CRIM1: variants seen among roughly 807,000 people sequenced by gnomAD.
CRIM1 encodes the protein cysteine rich transmembrane BMP regulator 1, also known as cysteine-rich motor neuron 1 protein.
In CRIM1, 32 loss-of-function variants were observed where a neutral mutation model predicts 116.4. The observed-to-expected ratio is 0.27, with a 90% CI of 0.21 to 0.37. CRIM1 has a LOEUF of 0.37. CRIM1 is among the 10% of genes least tolerant of loss of function. The probability of loss-of-function intolerance (pLI) is 1.00; values close to 1 mark genes in which losing one functional copy is unlikely to be tolerated. For missense variants in CRIM1, 1,331 were observed against 1,354.8 expected (o/e 0.98, Z 0.28); for synonymous variants, 590 against 509.2 (o/e 1.16, Z -2.13).
chr2:36,479,830 A>G (rs1276512634), intron 7 of CRIM1, 136 bp downstream of exon 7: 33 of 780,616 alleles, frequency 4.2e-5, no homozygotes, highest in Non-Finnish European at 7.0e-5. Flanking sequence ...CAACAAATTT[A>G]TCAAACAGCT....
rs982351703 is a variant in CRIM1 at position 36,538,503 on chromosome 2, G to A, written c.2623+957G>A. 2.0e-5 allele frequency among the ~76,000 whole-genome samples: 3 copies of A among 152,296 alleles called. No individual in the cohort carries two copies. In the South Asian group the frequency reaches 6.2e-4, roughly 32 times the overall value. On this transcript the variant is annotated intron_variant, in intron 14 of 16. Coordinates refer to ENST00000280527, the MANE Select transcript of CRIM1 (RefSeq NM_016441.3). ...AGAACCTTGTTGTATTCAATACAGG[G>A]AGCTGGGAACCATGCCAATTCACAA...
In CRIM1 at chr2:36,521,398, A is replaced by T. The variant is rs551625123; in HGVS notation, c.2207-694A>T. On this transcript the variant is annotated intron_variant, in intron 12 of 16. Transcript: ENST00000280527. ...TTTTTGGTAGTCTGGTACAATGAGA[A>T]TTTGTCTGAATATTGATTGGTCAAA... is the stretch of plus-strand genomic sequence containing the variant. Among the ~76,000 whole-genome samples, 6 of 152,296 alleles carry T rather than the reference A, an allele frequency of 3.9e-5. No individual in the cohort carries two copies. The South Asian group carries it at 1.2e-3, about 32-fold the overall frequency.
At chr2:36,421,660 CTT>C (rs1407426341) in intron 2 of CRIM1, among the ~76,000 whole-genome samples, 18 of 152,182 alleles carry the variant, frequency 1.2e-4, no homozygotes, top group Admixed American at 6.5e-4. Flanking sequence ...GGTGGGGACT[CTT>C]TGAAACAAAT....
rs77534311 is a variant in CRIM1, at chr2:36,500,911, C to A, written c.1501+1564C>A. Reference sequence around the variant, plus strand: ...TCAGAGCATTCCTTTGCTGGAAACCCTATTTTTAAAATGAGCTGAAGTTAT... The same window carrying A: ...TCAGAGCATTCCTTTGCTGGAAACCATATTTTTAAAATGAGCTGAAGTTAT... On this transcript the variant is annotated intron_variant, in intron 8 of 16. Coordinates refer to ENST00000280527, the MANE Select transcript of CRIM1 (RefSeq NM_016441.3). Among the ~76,000 whole-genome samples the A allele has an allele frequency of 5.0e-3, 762 of 152,294 alleles. 9 individuals are homozygous for A. Among genetic ancestry groups the A allele is most frequent in the African/African-American group, 0.017 (720 of 41,560 alleles).
chr2:36,408,007 T>C (rs184366110), intron 2 of CRIM1, among the ~76,000 whole-genome samples: 1 of 152,310 alleles, frequency 6.6e-6, no homozygotes, highest in African/African-American at 2.4e-5. Context: ...TCAAGCACTT[T>C]TCTGTCCTCT....
At chr2:36,536,771 GCT>G (rs1666581731) in intron 13 of CRIM1, among the ~76,000 whole-genome samples, 1 of 151,624 alleles carries the variant, frequency 6.6e-6, no homozygotes, top group African/African-American at 2.4e-5. Flanking sequence ...CAGACAAATA[GCT>G]CTTTTTTTCT....
In CRIM1 at chr2:36,510,143, C is replaced by T. The variant is rs201281263; in HGVS notation, c.1658+4C>T. On this transcript the variant is annotated splice_donor_region_variant and intron_variant, in intron 9 of 16. Transcript: ENST00000280527. ...AGTATTGTCCACTTGGATTGCTGTACGTATTTGTTAATTCAGAAAAGCTAT... is the reference window on the plus strand; with the variant it reads ...AGTATTGTCCACTTGGATTGCTGTATGTATTTGTTAATTCAGAAAAGCTAT... 2.9e-4 allele frequency: 461 copies of T among 1,608,506 alleles called. No individual in the cohort carries two copies. The highest frequency in any genetic ancestry group is 3.6e-4 in the Non-Finnish European group (429 of 1,177,764).
intron 12 of CRIM1, 76 bp downstream of exon 12, chr2:36,517,618 C>T (rs1665117857): frequency 1.4e-6 from 2 of 1,458,188 alleles, no homozygotes; most frequent in South Asian, 1.2e-5. Context: ...GTGGGACCCA[C>T]AGGGCAGGAT....
rs139117973 is a variant in CRIM1 at position 36,411,226 on chromosome 2, A to G, written c.505+14439A>G. Among the ~76,000 whole-genome samples the G allele has an allele frequency of 3.3e-3, 498 of 152,298 alleles. 2 individuals carry two copies. The highest frequency in any genetic ancestry group is 0.011 in the African/African-American group (464 of 41,560). On this transcript the variant is annotated intron_variant, in intron 2 of 16. Coordinates refer to ENST00000280527, the MANE Select transcript of CRIM1 (RefSeq NM_016441.3). ...TTCTGTTTCATCTGGAATTTTTCAA[A>G]TACAATTATTATGTGGTGTTAACAC...
chr2:36,398,133 T>G (rs1402149126), intron 2 of CRIM1, among the ~76,000 whole-genome samples: 1 of 152,194 alleles, frequency 6.6e-6, no homozygotes, highest in African/African-American at 2.4e-5. Flanking sequence ...GTTTACATAG[T>G]TAATAATTTA....
intron 4 of CRIM1, among the ~76,000 whole-genome samples, chr2:36,459,406 C>T (rs1329996140): frequency 6.6e-6 from 1 of 152,082 alleles, no homozygotes; most frequent in Non-Finnish European, 1.5e-5. Flanking sequence ...ATGGTCTAAC[C>T]CCTGACTTAG....
At chr2:36,490,700 A>G (rs1368902856) in intron 7 of CRIM1, among the ~76,000 whole-genome samples, 4 of 151,946 alleles carry the variant, frequency 2.6e-5, no homozygotes, top group Admixed American at 1.3e-4. Context: ...TTCTGCTTCT[A>G]CTTGTTTATT....
intron 2 of CRIM1, among the ~76,000 whole-genome samples, chr2:36,404,366 C>T (rs1020351514): frequency 3.9e-5 from 6 of 152,156 alleles, no homozygotes; most frequent in Non-Finnish European, 1.5e-5. Context: ...AGGGCTAGTT[C>T]AGAGTAGAAG....
chr2:36,482,882 T>C (rs933183647), intron 7 of CRIM1, among the ~76,000 whole-genome samples: 1 of 152,182 alleles, frequency 6.6e-6, no homozygotes, highest in African/African-American at 2.4e-5. Flanking sequence ...GTGGCTGTTG[T>C]TACTGGAGAC....
intron 1 of CRIM1, among the ~76,000 whole-genome samples, chr2:36,363,408 AC>A (rs1460397507): frequency 6.6e-6 from 1 of 151,570 alleles, no homozygotes; most frequent in African/African-American, 2.4e-5. Context: ...AAACAATTTT[AC>A]TTGGGCTCAG....
At chr2:36,507,906 T>C (rs1022483480) in intron 8 of CRIM1, among the ~76,000 whole-genome samples, 1 of 152,222 alleles carries the variant, frequency 6.6e-6, no homozygotes, top group African/African-American at 2.4e-5. Context: ...CCAAGGGATG[T>C]TGACTGACTC....
intron 13 of CRIM1, among the ~76,000 whole-genome samples, chr2:36,530,919 C>G (rs1002376059): frequency 6.6e-6 from 1 of 152,194 alleles, no homozygotes; most frequent in African/African-American, 2.4e-5. Flanking sequence ...GGTGCAGGAG[C>G]GTCTCCTGAG....
chr2:36,445,143 A>G lies in CRIM1; in HGVS notation c.869+2408A>G, dbSNP rs994936949. On this transcript the variant is annotated intron_variant, in intron 4 of 16. Transcript: ENST00000280527. The stretch of plus-strand genomic sequence containing the variant: ...TGAACAAACAGGCCCTCTCTTAGCC[A>G]AGATGATTTATATGTTGAAGAAAAG... Among the ~76,000 whole-genome samples, 36 of 152,202 alleles carry G rather than the reference A, an allele frequency of 2.4e-4. 1 individual carries two copies. Among genetic ancestry groups the G allele is most frequent in the Admixed American group, 1.3e-4 (2 of 15,284 alleles).
At chr2:36,541,212 C>T (rs1231636992) in intron 14 of CRIM1, among the ~76,000 whole-genome samples, 1 of 152,114 alleles carries the variant, frequency 6.6e-6, no homozygotes, top group African/African-American at 2.4e-5. Context: ...TAGCACATGC[C>T]ACCTCCCAGA....
Sources: gnomAD v4.1 joint callset for allele counts (sites outside exome capture counted in the v4.1 genomes callset) on GRCh38, gnomAD v4.1.1 for gene constraint, MANE v1.5 for transcripts, NCBI Gene and HGNC (gene_info 2026-07-23, HGNC 2026-07-21) for gene names.